The following ZNRF3 variants were observed in gnomAD, a reference collection of about 807,000 sequenced individuals.
ZNRF3 encodes the protein E3 ubiquitin-protein ligase ZNRF3.
ZNRF3 carries 23 observed loss-of-function variants against 72.5 expected under a neutral mutation model. That is an observed-to-expected ratio of 0.32 (90% confidence interval 0.23 to 0.45). The LOEUF (loss-of-function observed/expected upper bound fraction) is 0.45, where lower values mean the gene tolerates loss of function less well. ZNRF3 is among the 20% of genes least tolerant of loss of function. The pLI is 1.00. For synonymous variants in ZNRF3, 610 were observed against 545.3 expected (o/e 1.12, Z -1.65); for missense variants, 1,169 against 1,272.1 (o/e 0.92, Z 1.23).
chr22:28,985,133 C>T (rs962491525), intron 1 of ZNRF3, among the ~76,000 whole-genome samples: 5 of 152,310 alleles, frequency 3.3e-5, no homozygotes, highest in Middle Eastern at 3.4e-3. Context: ...CCACTCGTTG[C>T]TGTCTCTGGA....
At chr22:29,036,098 C>T (rs2036863088) in intron 2 of ZNRF3, among the ~76,000 whole-genome samples, 2 of 152,134 alleles carry the variant, frequency 1.3e-5, no homozygotes, top group Admixed American at 1.3e-4. Context: ...TAAACCACAC[C>T]ATTATGTTAA....
intron 1 of ZNRF3, among the ~76,000 whole-genome samples, chr22:28,904,826 T>A (rs114650131): frequency 2.3e-3 from 353 of 152,212 alleles, no homozygotes; most frequent in African/African-American, 7.9e-3. Context: ...CTTCTGTTCA[T>A]CCCTTGACTT....
chr22:28,896,709 G>T (rs1399901137), intron 1 of ZNRF3, among the ~76,000 whole-genome samples: 1 of 152,226 alleles, frequency 6.6e-6, no homozygotes, highest in Non-Finnish European at 1.5e-5. Flanking sequence ...CAGTCTTGGA[G>T]TAGGTGGTGA....
rs1027472840 is a variant in ZNRF3 at position 29,048,830 on chromosome 22, C to A, written c.1015+339C>A. ...TACCATGGGGGTGTTCCTAGGACCACGAGAGACGATGAGTGTGCAGAGGCC... is the reference window on the plus strand; with the variant it reads ...TACCATGGGGGTGTTCCTAGGACCAAGAGAGACGATGAGTGTGCAGAGGCC... On this transcript the variant is annotated intron_variant, in intron 7 of 8. Transcript: ENST00000544604. This position sits in a 1 kb window ranked among gnomAD's most constrained non-coding sequence, Gnocchi z 4.9. Among the ~76,000 whole-genome samples, 4 of 152,192 alleles carry A rather than the reference C, an allele frequency of 2.6e-5. No individual in the cohort carries two copies. The highest frequency in any genetic ancestry group is 5.9e-5 in the Non-Finnish European group (4 of 68,022).
Position 29,054,127 on chromosome 22 carries a change from C to T in ZNRF3, c.*505C>T, listed in dbSNP as rs2037258210. 6.6e-6 allele frequency: 1 copy of T among 152,372 alleles called. No individual in the cohort carries two copies. Among genetic ancestry groups the T allele is most frequent in the Non-Finnish European group, 1.5e-5 (1 of 68,228 alleles). 9.4% of individuals were successfully genotyped at this position (152,372 alleles called of 1,614,324 possible). A position where few individuals can be genotyped will look rare whatever the true frequency, so the allele number is the denominator to read the frequency against. ...GGCTTCACCTGCCTTAGAAAATGAACCAGAAACTTGAAGTAAAGCTAGTTG... is the reference window on the plus strand; with the variant it reads ...GGCTTCACCTGCCTTAGAAAATGAATCAGAAACTTGAAGTAAAGCTAGTTG... On this transcript the variant is annotated 3_prime_UTR_variant, in exon 9 of 9. Coordinates refer to ENST00000544604, the MANE Select transcript of ZNRF3 (RefSeq NM_001206998.2).
intron 2 of ZNRF3, among the ~76,000 whole-genome samples, chr22:29,039,307 G>T (rs2036917098): frequency 1.3e-5 from 2 of 152,150 alleles, no homozygotes; most frequent in South Asian, 4.1e-4. Flanking sequence ...CCCTACCCCA[G>T]ATCCTGCAGC....
At chr22:28,990,164 C>T (rs1350997095) in intron 2 of ZNRF3, among the ~76,000 whole-genome samples, 1 of 152,214 alleles carries the variant, frequency 6.6e-6, no homozygotes, top group Admixed American at 6.5e-5. Context: ...GCGCATCTCT[C>T]CAGCTTTCTG....
chr22:28,973,299 G>A (rs1315106076), intron 1 of ZNRF3, among the ~76,000 whole-genome samples: 3 of 152,152 alleles, frequency 2.0e-5, no homozygotes, highest in Admixed American at 6.5e-5. Flanking sequence ...CTTTCTTGAT[G>A]GTATCCTTTA....
At chr22:29,014,504 G>A (rs182791658) in intron 2 of ZNRF3, among the ~76,000 whole-genome samples, 59 of 152,288 alleles carry the variant, frequency 3.9e-4, no homozygotes, top group African/African-American at 1.1e-3. Flanking sequence ...CTGCCGCTCC[G>A]TGTTTGACAG....
intron 2 of ZNRF3, among the ~76,000 whole-genome samples, chr22:29,020,273 T>TCTTTTTC (rs2036509696): frequency 7.5e-6 from 1 of 133,300 alleles, no homozygotes; most frequent in Non-Finnish European, 1.6e-5. Context: ...TTTTTTTTTT[T>TCTTTTTC]CCCCCAAGAC....
At chr22:28,909,182 C>T (rs1214603725) in intron 1 of ZNRF3, among the ~76,000 whole-genome samples, 1 of 152,134 alleles carries the variant, frequency 6.6e-6, no homozygotes, top group African/African-American at 2.4e-5. Context: ...CAGGCGTGAG[C>T]CACCGCGCCC....
chr22:28,956,118 G>A (rs183117110), intron 1 of ZNRF3, among the ~76,000 whole-genome samples: 2 of 152,256 alleles, frequency 1.3e-5, no homozygotes, highest in African/African-American at 4.8e-5. Context: ...CGACGGGGAT[G>A]TCTGGCCTGG....
intron 2 of ZNRF3, among the ~76,000 whole-genome samples, chr22:29,016,271 T>C (rs2036436003): frequency 6.6e-6 from 1 of 152,198 alleles, no homozygotes; most frequent in East Asian, 1.9e-4. Flanking sequence ...TGAAGTGGTA[T>C]GTGACTGCCT....
chr22:28,939,596 C>A (rs993355365), intron 1 of ZNRF3, among the ~76,000 whole-genome samples: 2 of 152,038 alleles, frequency 1.3e-5, no homozygotes, highest in Non-Finnish European at 2.9e-5. Flanking sequence ...ATCCTCAGAG[C>A]ATTCTCTTAA....
At chr22:28,974,666 G>T (rs1213281029) in intron 1 of ZNRF3, among the ~76,000 whole-genome samples, 52 of 151,422 alleles carry the variant, frequency 3.4e-4, no homozygotes, top group Admixed American at 3.4e-3. Context: ...TTATTTTTTT[G>T]AGACAGAGTC....
chr22:28,956,424 C>T (rs1292185721), intron 1 of ZNRF3, among the ~76,000 whole-genome samples: 1 of 148,438 alleles, frequency 6.7e-6, no homozygotes, highest in Non-Finnish European at 1.5e-5. Context: ...AAGGGCATCT[C>T]CTAACTCTTC....
intron 1 of ZNRF3, among the ~76,000 whole-genome samples, chr22:28,920,883 G>A (rs2123768716): frequency 6.6e-6 from 1 of 152,312 alleles, no homozygotes; most frequent in African/African-American, 2.4e-5. Flanking sequence ...TCCTGTGCTT[G>A]ACCCTCCTTA....
At chr22:29,018,507 C>CT (rs1569283224) in intron 2 of ZNRF3, 1 of 156,932 alleles carries the variant, frequency 6.4e-6, no homozygotes, top group African/African-American at 2.4e-5. Flanking sequence ...AGGGTCAGGG[C>CT]TAGAGATGAA....
chr22:29,014,657 C>T (rs1304191289), intron 2 of ZNRF3, among the ~76,000 whole-genome samples: 1 of 152,214 alleles, frequency 6.6e-6, no homozygotes, highest in East Asian at 1.9e-4. Flanking sequence ...TAAGCACTGC[C>T]TGTATCCCAG....
Sources: gnomAD v4.1 joint callset for allele counts (sites outside exome capture counted in the v4.1 genomes callset) on GRCh38, gnomAD v4.1.1 for gene constraint, Gnocchi (gnomAD v3.1) non-coding constraint, MANE v1.5 for transcripts, NCBI Gene and HGNC (gene_info 2026-07-23, HGNC 2026-07-21) for gene names.